Variants in RING1 observed in about 807,000 individuals in gnomAD.
RING1 encodes the protein ring finger protein 1.
In RING1, 8 loss-of-function variants were observed where a neutral mutation model predicts 35.0. That is an observed-to-expected ratio of 0.23 (90% CI 0.13 to 0.41). RING1 has a LOEUF of 0.41. Among genes scored for constraint, RING1 ranks in the 10% least tolerant of loss-of-function variants. RING1 has a pLI of 1.00. For synonymous variants in RING1, 214 were observed against 224.3 expected (o/e 0.95, Z 0.41); for missense variants, 343 against 546.8 (o/e 0.63, Z 3.72).
In RING1 at chr6:33,211,336, A is replaced by G. The variant is rs745713825; in HGVS notation, c.634A>G (p.Ser212Gly). Reference protein sequence around the residue: ...RPRGGGAGGSSVGTGGGGTGG... With the variant: ...RPRGGGAGGSGVGTGGGGTGG... The stretch of plus-strand genomic sequence containing the variant: ...CCGTGGAGGGGGCGCAGGGGGGAGC[A>G]GTGTAGGGACAGGGGGAGGCGGCAC... The change falls in exon 5 of 7, where the codon AGT (serine) becomes GGT (glycine). Residue 212 changes from serine (S) to glycine (G), a missense_variant. Physicochemically the swap from Ser to Gly is moderately conservative, Grantham distance 56 (BLOSUM62 0). Transcript: ENST00000374656. This position sits in a 1 kb window ranked among gnomAD's most constrained non-coding sequence, Gnocchi z 6.3. 3.4e-6 allele frequency: 4 copies of G among 1,191,958 alleles called. No individual in the cohort carries two copies. The highest frequency in any genetic ancestry group is 2.6e-4 in the Middle Eastern group (1 of 3,882). 73.8% of individuals were successfully genotyped at this position (1,191,958 alleles called of 1,614,324 possible). A position where few individuals can be genotyped will look rare whatever the true frequency, so the allele number is the denominator to read the frequency against.
rs1382372308 is a variant in RING1 at position 33,211,440 on chromosome 6, C to A, written c.738C>A (p.Pro246=). 6.3e-7 allele frequency: 1 copy of A among 1,584,984 alleles called. No homozygotes were observed. The highest frequency in any genetic ancestry group is 2.3e-5 in the East Asian group (1 of 43,230). Residue 246 remains proline, a synonymous_variant, in exon 5 of 7, where the codon CCC becomes CCA. Coordinates refer to ENST00000374656, the MANE Select transcript of RING1 (RefSeq NM_002931.4). This position sits in a 1 kb window ranked among gnomAD's most constrained non-coding sequence, Gnocchi z 6.3. ...GGTLGGGTLG[P]PSPPGAPSPP... Reference sequence around the variant, plus strand: ...CTCTGGGAGGGGGAACGCTGGGCCCCCCAAGCCCTCCTGGGGCCCCCAGCC... The same window carrying A: ...CTCTGGGAGGGGGAACGCTGGGCCCACCAAGCCCTCCTGGGGCCCCCAGCC...
rs1434212852 is a variant in RING1, at chr6:33,208,961, G to A, written c.78+61G>A. 4.6e-6 allele frequency: 6 copies of A among 1,305,040 alleles called. No individual in the cohort carries two copies. The highest frequency in any genetic ancestry group is 2.5e-5 in the East Asian group (1 of 40,686). 80.8% of individuals were successfully genotyped at this position (1,305,040 alleles called of 1,614,324 possible). ...CCCCAAACCCTTATATCCACAGACC[G>A]CATCACACAGCTTCTTTTCCGTAAT... On this transcript the variant is annotated intron_variant, in intron 2 of 6. Coordinates refer to ENST00000374656, the MANE Select transcript of RING1 (RefSeq NM_002931.4). This position sits in a 1 kb window ranked among gnomAD's most constrained non-coding sequence, Gnocchi z 6.2.
In RING1 at chr6:33,211,354, G is replaced by A. The variant is rs916603104; in HGVS notation, c.652G>A (p.Gly218Ser). The A allele has an allele frequency of 1.3e-6, 2 of 1,582,394 alleles. No individual in the cohort carries two copies. The highest frequency in any genetic ancestry group is 1.7e-6 in the Non-Finnish European group (2 of 1,164,184). The change falls in exon 5 of 7, where the codon GGC becomes AGC. Residue 218 changes from glycine (G) to serine (S), a missense_variant. Around this residue, in one of 2 missense-constraint regions of RING1, gnomAD observed 278 missense variants for 383.5 expected, o/e 0.72. Coordinates refer to ENST00000374656, the MANE Select transcript of RING1 (RefSeq NM_002931.4). This position sits in a 1 kb window ranked among gnomAD's most constrained non-coding sequence, Gnocchi z 6.3. ...AGGSSVGTGGGGTGGVGGGAG... is the reference protein window; with the variant it reads ...AGGSSVGTGGSGTGGVGGGAG... ...GGGGAGCAGTGTAGGGACAGGGGGA[G>A]GCGGCACTGGTGGGGTGGGTGGGGG...
chr6:33,211,205 C>A lies in RING1; in HGVS notation c.503C>A (p.Thr168Lys). Reference protein sequence around the residue: ...RPIPGSDQTTTMSGGEGEPGE... With the variant: ...RPIPGSDQTTKMSGGEGEPGE... ...ATACCAGGGTCAGATCAGACCACAACGATGAGTGGGGGGGAAGGAGAGCCC... is the reference window on the plus strand; with the variant it reads ...ATACCAGGGTCAGATCAGACCACAAAGATGAGTGGGGGGGAAGGAGAGCCC... Residue 168 changes from threonine to lysine, a missense_variant, in exon 5 of 7, where the codon ACG becomes AAG. Thr to Lys is a moderately conservative substitution (Grantham distance 78). Coordinates refer to ENST00000374656, the MANE Select transcript of RING1 (RefSeq NM_002931.4). This position sits in a 1 kb window ranked among gnomAD's most constrained non-coding sequence, Gnocchi z 6.3. The A allele has an allele frequency of 6.2e-7, 1 of 1,612,590 alleles. No homozygotes were observed. Among genetic ancestry groups the A allele is most frequent in the Non-Finnish European group, 8.5e-7 (1 of 1,179,836 alleles).
In RING1 at chr6:33,210,150, A is replaced by C. The variant is rs1213248747; in HGVS notation, c.455+20A>C. The C allele has an allele frequency of 6.2e-7, 1 of 1,609,812 alleles. No individual in the cohort carries two copies. On this transcript the variant is annotated intron_variant, in intron 4 of 6. Transcript: ENST00000374656. ...GCACAGGTGTGAGGGTCAGGAGAGA[A>C]GCAGAACTGATGGGATGGGTCCGTG...
rs1288256354 is a variant in RING1 at position 33,211,469 on chromosome 6, C to A, written c.767C>A (p.Pro256Gln). 1 of 1,607,048 alleles carries A rather than the reference C, an allele frequency of 6.2e-7. No individual in the cohort carries two copies. The highest frequency in any genetic ancestry group is 2.2e-5 in the East Asian group (1 of 44,610). Reference protein sequence around the residue: ...PPSPPGAPSPPEPGGEIELVF... With the variant: ...PPSPPGAPSPQEPGGEIELVF... ...AGCCCTCCTGGGGCCCCCAGCCCCC[C>A]AGAGCCAGGTGGAGAAATTGAGCTC... is the stretch of plus-strand genomic sequence containing the variant. Residue 256 changes from proline to glutamine, a missense_variant, in exon 5 of 7, where the codon CCA (proline) becomes CAA (glutamine). Around this residue, in one of 2 missense-constraint regions of RING1, gnomAD observed 278 missense variants for 383.5 expected, o/e 0.72. Coordinates refer to ENST00000374656, the MANE Select transcript of RING1 (RefSeq NM_002931.4). The surrounding 1 kb of genome is among the most constrained non-coding windows in gnomAD (Gnocchi z 6.3).
At position 33,212,569 on chromosome 6, in the gene RING1, T is replaced by C; in HGVS notation, c.*170T>C. 1.8e-6 allele frequency: 1 copy of C among 542,656 alleles called. No individual in the cohort carries two copies. Among genetic ancestry groups the C allele is most frequent in the Non-Finnish European group, 3.3e-6 (1 of 305,638 alleles). 33.6% of individuals were successfully genotyped at this position (542,656 alleles called of 1,614,324 possible). A position where few individuals can be genotyped will look rare whatever the true frequency, so the allele number is the denominator to read the frequency against. On this transcript the variant is annotated 3_prime_UTR_variant, in exon 7 of 7. Coordinates refer to ENST00000374656, the MANE Select transcript of RING1 (RefSeq NM_002931.4). ...GTATCTATATGAGATTCTTCTATAT[T>C]GTACAGAGTGGGGCAAAACACGCCC...
chr6:33,209,471 C>T lies in RING1; in HGVS notation c.79-155C>T, dbSNP rs982422931. On this transcript the variant is annotated intron_variant, in intron 2 of 6. Coordinates refer to ENST00000374656, the MANE Select transcript of RING1 (RefSeq NM_002931.4). The surrounding 1 kb of genome is among the most constrained non-coding windows in gnomAD (Gnocchi z 5.1). ...TGTCTTTTCTCCATTTGCTCCAAGT[C>T]ATCAGTCCTTCTCTTTCTCAGAATT... is the stretch of plus-strand genomic sequence containing the variant. 1.5e-6 allele frequency: 1 copy of T among 688,666 alleles called. No homozygotes were observed. Among genetic ancestry groups the T allele is most frequent in the East Asian group, 2.6e-5 (1 of 38,332 alleles). The allele number at this position is 688,666 out of a possible 1,614,324, so 42.7% of individuals were successfully genotyped here.
At position 33,208,861 on chromosome 6, in the gene RING1, G is replaced by T. The variant is rs1562449064; in HGVS notation, c.39G>T (p.Thr13=). 1.2e-6 allele frequency: 2 copies of T among 1,611,272 alleles called. No homozygotes were observed. The highest frequency in any genetic ancestry group is 1.7e-6 in the Non-Finnish European group (2 of 1,178,774). Residue 13 remains threonine, a synonymous_variant, in exon 2 of 7, where the codon ACG becomes ACT. Transcript: ENST00000374656. This position sits in a 1 kb window ranked among gnomAD's most constrained non-coding sequence, Gnocchi z 6.2. ...TPANAQNASK[T]WELSLYELHR... ...CGAATGCCCAGAATGCCAGCAAAAC[G>T]TGGGAACTGAGTCTGTATGAGCTGC...
In RING1 at chr6:33,211,621, C is replaced by T. The variant is rs1419754421; in HGVS notation, c.845+74C>T. 6 of 1,565,754 alleles carry T rather than the reference C, an allele frequency of 3.8e-6. No homozygotes were observed. In the East Asian group the frequency reaches 9.0e-5, roughly 23 times the overall value. On this transcript the variant is annotated intron_variant, in intron 5 of 6. Transcript: ENST00000374656. This position sits in a 1 kb window ranked among gnomAD's most constrained non-coding sequence, Gnocchi z 6.3. ...AGATTTCCATCAGAAGTGGGCTTTG[C>T]CCAAACCCAAAATACCACCCCAACC... is the stretch of plus-strand genomic sequence containing the variant.
chr6:33,210,214 ATCC>A lies in RING1; in HGVS notation c.455+86_455+88del. On this transcript the variant is annotated intron_variant, in intron 4 of 6. Transcript: ENST00000374656. Reference sequence around the variant, plus strand: ...TGCCTGCTAGCTTCTAAGCCTCAGCATCCTAGGAGCTGACCACAGACTGATCAT... The same window carrying A: ...TGCCTGCTAGCTTCTAAGCCTCAGCATAGGAGCTGACCACAGACTGATCAT... The A allele has an allele frequency of 1.1e-5, 14 of 1,251,808 alleles. 2 individuals are homozygous for A. Among genetic ancestry groups the A allele is most frequent in the Middle Eastern group, 3.8e-4 (2 of 5,266 alleles). The allele number at this position is 1,251,808 out of a possible 1,614,324, so 77.5% of individuals were successfully genotyped here. A position where few individuals can be genotyped will look rare whatever the true frequency, so the allele number is the denominator to read the frequency against.
Position 33,209,960 on chromosome 6 carries a change from A to G in RING1, c.285A>G (p.Arg95=). 6.2e-7 allele frequency: 1 copy of G among 1,614,182 alleles called. No individual in the cohort carries two copies. The highest frequency in any genetic ancestry group is 1.6e-4 in the Middle Eastern group (1 of 6,062). Residue 95 remains arginine, a synonymous_variant, in exon 4 of 7, where the codon CGA becomes CGG. Coordinates refer to ENST00000374656, the MANE Select transcript of RING1 (RefSeq NM_002931.4). This position sits in a 1 kb window ranked among gnomAD's most constrained non-coding sequence, Gnocchi z 5.1. Reference sequence around the variant, plus strand: ...GCCGAAAGAAGCTGGTGTCCAAGCGATCCCTACGGCCAGACCCCAACTTTG... The same window carrying G: ...GCCGAAAGAAGCTGGTGTCCAAGCGGTCCCTACGGCCAGACCCCAACTTTG... ...PTCRKKLVSK[R]SLRPDPNFDA...
rs778074553 is a variant in RING1, at chr6:33,211,431, G to A, written c.729G>A (p.Thr243=). The A allele has an allele frequency of 1.8e-5, 28 of 1,574,646 alleles. No homozygotes were observed. The highest frequency in any genetic ancestry group is 9.5e-5 in the African/African-American group (7 of 73,884). The stretch of plus-strand genomic sequence containing the variant: ...GGGGAGGGACTCTGGGAGGGGGAAC[G>A]CTGGGCCCCCCAAGCCCTCCTGGGG... ...GDRGGTLGGG[T]LGPPSPPGAP... The change falls in exon 5 of 7, where the codon ACG becomes ACA. Residue 243 remains threonine (T), a synonymous_variant. Transcript: ENST00000374656. This position sits in a 1 kb window ranked among gnomAD's most constrained non-coding sequence, Gnocchi z 6.3.
chr6:33,211,129 C>T lies in RING1; in HGVS notation c.456-29C>T, dbSNP rs2150706200. 2 of 1,557,550 alleles carry T rather than the reference C, an allele frequency of 1.3e-6. No individual in the cohort carries two copies. The highest frequency in any genetic ancestry group is 1.2e-5 in the South Asian group (1 of 83,966). On this transcript the variant is annotated intron_variant, in intron 4 of 6. Transcript: ENST00000374656. The surrounding 1 kb of genome is among the most constrained non-coding windows in gnomAD (Gnocchi z 6.3). ...AGTCTAAGCCCTTTATCCTGGATGC[C>T]TTCTAACCTTAACCACTTGCTTCTA...
In RING1 at chr6:33,211,732, T is replaced by C. The variant is rs751929105; in HGVS notation, c.849T>C (p.Tyr283=). Residue 283 remains tyrosine (Y), a synonymous_variant, in exon 6 of 7, where the codon TAT becomes TAC. Transcript: ENST00000374656. This position sits in a 1 kb window ranked among gnomAD's most constrained non-coding sequence, Gnocchi z 6.3. ...VEKGEYCQTR[Y]VKTTGNATVD... is the part of the protein sequence containing the mutation. The stretch of plus-strand genomic sequence containing the variant: ...CCTGTCCTCCCTCCCATTCCAGGTA[T>C]GTGAAGACAACTGGGAATGCCACAG... The C allele has an allele frequency of 5.2e-6, 8 of 1,542,812 alleles. No homozygotes were observed. Among genetic ancestry groups the C allele is most frequent in the Admixed American group, 2.0e-5 (1 of 50,900 alleles).
In RING1 at chr6:33,208,771, T is replaced by TCGCCTTCTC; in HGVS notation, c.-50_-42dup. On this transcript the variant is annotated 5_prime_UTR_variant, in exon 2 of 7. Transcript: ENST00000374656. This position sits in a 1 kb window ranked among gnomAD's most constrained non-coding sequence, Gnocchi z 6.2. ...CCCTTCCCCCCACCCCCAGCCTTCTTCGCCTTCTCCTCGGCTGTGGAGCCC... is the reference window on the plus strand; with the variant it reads ...CCCTTCCCCCCACCCCCAGCCTTCTTCGCCTTCTCCGCCTTCTCCTCGGCTGTGGAGCCC... 1 of 1,461,936 alleles carries TCGCCTTCTC rather than the reference T, an allele frequency of 6.8e-7. No homozygotes were observed. The allele number at this position is 1,461,936 out of a possible 1,614,324, so 90.6% of individuals were successfully genotyped here. A position where few individuals can be genotyped will look rare whatever the true frequency, so the allele number is the denominator to read the frequency against.
At position 33,208,997 on chromosome 6, in the gene RING1, C is replaced by T. The variant is rs773155792; in HGVS notation, c.78+97C>T. 2 of 1,008,096 alleles carry T rather than the reference C, an allele frequency of 2.0e-6. No individual in the cohort carries two copies. Among genetic ancestry groups the T allele is most frequent in the African/African-American group, 3.2e-5 (2 of 62,876 alleles). 62.4% of individuals were successfully genotyped at this position (1,008,096 alleles called of 1,614,324 possible). A position where few individuals can be genotyped will look rare whatever the true frequency, so the allele number is the denominator to read the frequency against. ...CTTCTTTTCCGTAATTTGCTCTATT[C>T]TGCCTTGCCTGGCCCTACCTTTGAA... On this transcript the variant is annotated intron_variant, in intron 2 of 6. Coordinates refer to ENST00000374656, the MANE Select transcript of RING1 (RefSeq NM_002931.4). The surrounding 1 kb of genome is among the most constrained non-coding windows in gnomAD (Gnocchi z 6.2).
At position 33,211,539 on chromosome 6, in the gene RING1, C is replaced by T. The variant is rs1357344017; in HGVS notation, c.837C>T (p.Cys279=). The change falls in exon 5 of 7, where the codon TGC becomes TGT. Residue 279 remains cysteine, a synonymous_variant. Transcript: ENST00000374656. This position sits in a 1 kb window ranked among gnomAD's most constrained non-coding sequence, Gnocchi z 6.3. ...HPLLVEKGEY[C]QTRYVKTTGN... ...TGCTCGTGGAGAAGGGAGAATACTG[C>T]CAGACGAGGTGAGGAGCCCTGTCTT... The T allele has an allele frequency of 6.2e-7, 1 of 1,611,090 alleles. No homozygotes were observed. The highest frequency in any genetic ancestry group is 8.5e-7 in the Non-Finnish European group (1 of 1,179,848).
In RING1 at chr6:33,208,547, C is replaced by T. The variant is rs993899348; in HGVS notation, c.-156C>T. On this transcript the variant is annotated 5_prime_UTR_variant, in exon 1 of 7. Transcript: ENST00000374656. This position sits in a 1 kb window ranked among gnomAD's most constrained non-coding sequence, Gnocchi z 6.2. ...ATGGCGGCGGCGGTGGCGGGAGCTG[C>T]TGTCTGAGCAGCGGTTGCGGACCGA... The T allele has an allele frequency of 7.0e-6, 3 of 427,064 alleles. No homozygotes were observed. Among genetic ancestry groups the T allele is most frequent in the Admixed American group, 4.4e-5 (1 of 22,854 alleles). The allele number at this position is 427,064 out of a possible 1,614,324, so 26.5% of individuals were successfully genotyped here. A position where few individuals can be genotyped will look rare whatever the true frequency, so the allele number is the denominator to read the frequency against.
Sources: gnomAD v4.1 joint callset for allele counts on GRCh38, gnomAD v4.1.1 for gene constraint, gnomAD v4.1.1 regional missense constraint, Gnocchi (gnomAD v3.1) non-coding constraint, MANE v1.5 for transcripts, NCBI Gene and HGNC (gene_info 2026-07-23, HGNC 2026-07-21) for gene names.